The following PRKN variants were observed in gnomAD, a reference collection of about 807,000 sequenced individuals.
PRKN encodes E3 ubiquitin-protein ligase parkin.
PRKN carries 56 observed loss-of-function variants against 59.5 expected under a neutral mutation model. The ratio of observed to expected loss-of-function variants is 0.94; its 90% CI spans 0.76 to 1.18. PRKN has a LOEUF of 1.18. Among genes scored for constraint, PRKN ranks in the 50% most tolerant of loss-of-function variants. The pLI is 0.00. For missense variants in PRKN, 657 were observed against 596.4 expected (o/e 1.10, Z -1.06); for synonymous variants, 250 against 222.1 (o/e 1.13, Z -1.12).
intron 5 of PRKN, among the ~76,000 whole-genome samples, chr6:162,033,497 T>C (rs146496723): frequency 0.016 from 2,397 of 152,324 alleles, 23 homozygotes; most frequent in Middle Eastern, 0.034. Flanking sequence ...TCTTTTTTTC[T>C]TTAAAAATAA....
intron 4 of PRKN, among the ~76,000 whole-genome samples, chr6:162,095,101 T>C (rs988952233): frequency 6.6e-6 from 1 of 152,176 alleles, no homozygotes; most frequent in Non-Finnish European, 1.5e-5. Context: ...ATCTTTCTAC[T>C]GGGTCTTCAG....
chr6:161,714,200 G>A (rs1159191674), intron 7 of PRKN, among the ~76,000 whole-genome samples: 3 of 152,158 alleles, frequency 2.0e-5, no homozygotes, highest in Non-Finnish European at 4.4e-5. Context: ...AATCTCAGAT[G>A]CTGAAAAGAG....
chr6:161,673,698 C>T (rs1310765830), intron 7 of PRKN, among the ~76,000 whole-genome samples: 2 of 152,114 alleles, frequency 1.3e-5, no homozygotes, highest in East Asian at 3.9e-4. Context: ...TTGCAGTAAT[C>T]CAGGAAACAG....
intron 5 of PRKN, among the ~76,000 whole-genome samples, chr6:162,016,294 G>A (rs116940090): frequency 2.0e-5 from 3 of 152,112 alleles, no homozygotes; most frequent in East Asian, 3.9e-4. Flanking sequence ...AATACAGGCC[G>A]ATTAGAAAAT....
At chr6:161,794,109 G>A (rs1790745335) in intron 6 of PRKN, among the ~76,000 whole-genome samples, 1 of 152,054 alleles carries the variant, frequency 6.6e-6, no homozygotes, top group Non-Finnish European at 1.5e-5. Context: ...TGTCTACCTG[G>A]AATTTTTTTA....
At chr6:161,657,368 G>A (rs1227775732) in intron 7 of PRKN, among the ~76,000 whole-genome samples, 1 of 152,094 alleles carries the variant, frequency 6.6e-6, no homozygotes, top group Non-Finnish European at 1.5e-5. Context: ...TGAATAAGAT[G>A]CTCTTTTATT....
intron 2 of PRKN, among the ~76,000 whole-genome samples, chr6:162,288,046 A>G (rs1781273724): frequency 6.6e-6 from 1 of 152,098 alleles, no homozygotes; most frequent in African/African-American, 2.4e-5. Flanking sequence ...CCTGTTCATG[A>G]TTAGAATCAT....
At chr6:162,392,712 T>C (rs1196685142) in intron 2 of PRKN, among the ~76,000 whole-genome samples, 2 of 152,210 alleles carry the variant, frequency 1.3e-5, no homozygotes, top group Non-Finnish European at 2.9e-5. Context: ...ATACCTAATG[T>C]TACATTGATG....
chr6:161,518,380 A>T lies in PRKN; in HGVS notation c.1083+30474T>A, dbSNP rs1345207125. Among the ~76,000 whole-genome samples, 1 of 152,198 alleles carries T rather than the reference A, an allele frequency of 6.6e-6. No individual in the cohort carries two copies. The highest frequency in any genetic ancestry group is 1.5e-5 in the Non-Finnish European group (1 of 68,036). ...AGGGAAAGCAGCAGAAGGGCCCAGAAACAGCCAGTAGCCAGGCGTGGTGGT... is the reference window on the plus strand; with the variant it reads ...AGGGAAAGCAGCAGAAGGGCCCAGATACAGCCAGTAGCCAGGCGTGGTGGT... On this transcript the variant is annotated intron_variant, in intron 9 of 11. Transcript: ENST00000366898. The surrounding 1 kb of genome is among the most constrained non-coding windows in gnomAD (Gnocchi z 5.0).
chr6:161,582,442 T>TTA lies in PRKN; in HGVS notation c.872-13027_872-13026insTA, dbSNP rs1781373636. On this transcript the variant is annotated intron_variant, in intron 7 of 11. Transcript: ENST00000366898. This position sits in a 1 kb window ranked among gnomAD's most constrained non-coding sequence, Gnocchi z 4.4. ...TATTATTATTATTATTATTATTATT[T>TTA]TTGAGACAGAGTCTCGCTCTGTCGC... Among the ~76,000 whole-genome samples the TTA allele has an allele frequency of 1.9e-5, 2 of 106,586 alleles. No individual in the cohort carries two copies. Among genetic ancestry groups the TTA allele is most frequent in the Admixed American group, 1.8e-4 (2 of 11,410 alleles). 69.9% of individuals were successfully genotyped at this position (106,586 alleles called of 152,430 possible).
rs1791034745 is a variant in PRKN at position 161,475,740 on chromosome 6, G to C, written c.1083+73114C>G. Among the ~76,000 whole-genome samples, 2 of 152,108 alleles carry C rather than the reference G, an allele frequency of 1.3e-5. No individual in the cohort carries two copies. The highest frequency in any genetic ancestry group is 1.3e-4 in the Admixed American group (2 of 15,272). On this transcript the variant is annotated intron_variant, in intron 9 of 11. Coordinates refer to ENST00000366898, the MANE Select transcript of PRKN (RefSeq NM_004562.3). The surrounding 1 kb of genome is among the most constrained non-coding windows in gnomAD (Gnocchi z 5.3). ...TCTGCTCGCCTCGGTCTCCCAAAGT[G>C]CTGGGATTACAGGCAAGGGCCACTG...
intron 5 of PRKN, among the ~76,000 whole-genome samples, chr6:162,020,358 A>C (rs1002916941): frequency 6.3e-5 from 9 of 143,392 alleles, no homozygotes; most frequent in South Asian, 2.2e-4. Flanking sequence ...AAAAAAAAAA[A>C]CAGATAAAAA....
At chr6:162,614,675 G>A (rs1319742846) in intron 1 of PRKN, among the ~76,000 whole-genome samples, 5 of 152,162 alleles carry the variant, frequency 3.3e-5, no homozygotes, top group Non-Finnish European at 7.3e-5. Context: ...GCCACAACAC[G>A]TATCTGAGCT....
At chr6:162,610,389 TA>T (rs2128218665) in intron 1 of PRKN, among the ~76,000 whole-genome samples, 1 of 152,348 alleles carries the variant, frequency 6.6e-6, no homozygotes, top group African/African-American at 2.4e-5. Context: ...TCTTACTCGC[TA>T]ATAAGTTTAT....
intron 7 of PRKN, among the ~76,000 whole-genome samples, chr6:161,631,747 C>T (rs955800359): frequency 7.0e-6 from 1 of 142,850 alleles, no homozygotes; most frequent in South Asian, 2.2e-4. Flanking sequence ...TATGCAGTTG[C>T]TAGGGGTACG....
At chr6:162,155,646 G>T (rs1241229294) in intron 4 of PRKN, among the ~76,000 whole-genome samples, 1 of 152,104 alleles carries the variant, frequency 6.6e-6, no homozygotes, top group Non-Finnish European at 1.5e-5. Flanking sequence ...GAACAGAACA[G>T]AATGGTCTCA....
At chr6:162,198,829 G>A (rs2128329385) in intron 4 of PRKN, among the ~76,000 whole-genome samples, 1 of 152,126 alleles carries the variant, frequency 6.6e-6, no homozygotes, top group South Asian at 2.1e-4. Flanking sequence ...TCAGGCTCTG[G>A]TAAGTACCTA....
chr6:162,107,229 C>T (rs1780226653), intron 4 of PRKN, among the ~76,000 whole-genome samples: 1 of 152,172 alleles, frequency 6.6e-6, no homozygotes, highest in Non-Finnish European at 1.5e-5. Context: ...CTTTGGGAGG[C>T]CAAAGGGGGC....
rs914456092 is a variant in PRKN, at chr6:161,458,987, G to A, written c.1084-72110C>T. Reference sequence around the variant, plus strand: ...ATCCCTTCATCTTATCTGGAGGGAAGACAGGAATGAAAACCATGATAGTAT... The same window carrying A: ...ATCCCTTCATCTTATCTGGAGGGAAAACAGGAATGAAAACCATGATAGTAT... On this transcript the variant is annotated intron_variant, in intron 9 of 11. Transcript: ENST00000366898. The surrounding 1 kb of genome is among the most constrained non-coding windows in gnomAD (Gnocchi z 6.1). Among the ~76,000 whole-genome samples the A allele has an allele frequency of 1.3e-5, 2 of 152,032 alleles. No individual in the cohort carries two copies. The highest frequency in any genetic ancestry group is 2.9e-5 in the Non-Finnish European group (2 of 68,016).
Sources: allele counts gnomAD v4.1 joint callset (sites outside exome capture counted in the v4.1 genomes callset), GRCh38; gene constraint gnomAD v4.1.1; non-coding constraint Gnocchi (gnomAD v3.1); transcripts MANE v1.5; gene names NCBI Gene and HGNC (gene_info 2026-07-23, HGNC 2026-07-21).